The following ZNF385D variants were observed in gnomAD, a reference collection of about 807,000 sequenced individuals.
The protein encoded by ZNF385D is zinc finger protein 659.
Under a neutral mutation model 35.8 loss-of-function variants are expected in ZNF385D, and 15 were observed. The ratio of observed to expected loss-of-function variants is 0.42; its 90% CI spans 0.28 to 0.64. The LOEUF (loss-of-function observed/expected upper bound fraction) is 0.64, where lower values mean the gene tolerates loss of function less well. Ranked by LOEUF, ZNF385D falls within the 30% of genes least tolerant of loss-of-function variation. ZNF385D has a pLI of 0.23. For missense variants in ZNF385D, 474 were observed against 494.6 expected, an observed-to-expected ratio of 0.96 and a Z score of 0.39; for synonymous variants, 212 against 186.8, an observed-to-expected ratio of 1.13 and a Z score of -1.10.
chr3:21,795,570 G>A (rs1049407289), intron 3 of ZNF385D, among the ~76,000 whole-genome samples: 2 of 152,158 alleles, frequency 1.3e-5, no homozygotes, highest in Non-Finnish European at 2.9e-5. Context: ...CTTTCCCTTG[G>A]CTCCTGAAAC....
At chr3:22,148,312 A>G (rs1294337279) in intron 3 of ZNF385D, among the ~76,000 whole-genome samples, 1 of 152,196 alleles carries the variant, frequency 6.6e-6, no homozygotes, top group Non-Finnish European at 1.5e-5. Context: ...GACTTAAATA[A>G]GTTGTGTTAT....
At chr3:21,421,486 T>G (rs1211384986) in intron 7 of ZNF385D, 39 bp from the exon 8 acceptor site, 1 of 1,529,348 alleles carries the variant, frequency 6.5e-7, no homozygotes, top group Admixed American at 1.8e-5. Flanking sequence ...AAACAACAGT[T>G]TTGGAATTTG....
intron 3 of ZNF385D, among the ~76,000 whole-genome samples, chr3:21,769,182 G>T (rs1218936056): frequency 6.6e-6 from 1 of 152,012 alleles, no homozygotes; most frequent in Admixed American, 6.6e-5. Flanking sequence ...ACAAGACAGG[G>T]ATGCCCTCTC....
intron 4 of ZNF385D, among the ~76,000 whole-genome samples, chr3:21,508,969 C>CTTTTTTTTTT (rs200174782): frequency 8.4e-5 from 12 of 142,394 alleles, no homozygotes; most frequent in Non-Finnish European, 1.4e-4. Flanking sequence ...CACCTGGGGG[C>CTTTTTTTTTT]TTTTTTTTTT....
At chr3:21,620,105 G>A (rs561441005) in intron 2 of ZNF385D, among the ~76,000 whole-genome samples, 5 of 152,270 alleles carry the variant, frequency 3.3e-5, no homozygotes, top group Non-Finnish European at 5.9e-5. Flanking sequence ...TCAAGGGCCC[G>A]TCTACAAAAC....
intron 1 of ZNF385D, among the ~76,000 whole-genome samples, chr3:21,719,712 C>T (rs953569788): frequency 3.9e-5 from 6 of 152,156 alleles, no homozygotes; most frequent in Admixed American, 3.9e-4. Flanking sequence ...CAGTCCGATC[C>T]TTAGAAGCAG....
intron 2 of ZNF385D, chr3:21,579,931 G>A (rs1293832211): frequency 2.0e-5 from 3 of 151,732 alleles, no homozygotes; most frequent in Non-Finnish European, 4.4e-5. Flanking sequence ...ATTTTAACTT[G>A]AGTACCTCTG....
intron 2 of ZNF385D, among the ~76,000 whole-genome samples, chr3:21,664,544 C>T (rs1257335554): frequency 6.6e-6 from 1 of 152,112 alleles, no homozygotes; most frequent in African/African-American, 2.4e-5. Flanking sequence ...TTTTTAAATA[C>T]CTGCTGAAAT....
At chr3:22,101,549 C>A (rs1024846651) in intron 3 of ZNF385D, among the ~76,000 whole-genome samples, 6 of 152,088 alleles carry the variant, frequency 3.9e-5, no homozygotes, top group African/African-American at 1.4e-4. Flanking sequence ...TACACCCACA[C>A]TGAACCATTT....
Position 21,892,110 on chromosome 3 carries a change from C to T in ZNF385D, c.326-227082G>A, listed in dbSNP as rs189935447. 1.6e-4 allele frequency among the ~76,000 whole-genome samples: 25 copies of T among 152,208 alleles called. No individual in the cohort carries two copies. In the East Asian group the frequency reaches 2.5e-3, roughly 15 times the overall value. On this transcript the variant is annotated intron_variant, in intron 3 of 5. Coordinates refer to the ZNF385D transcript ENST00000494108. ...AAAAATTAACTCCCAATACTTGCTT[C>T]GTGGGATAGGAAGCATTCTGAATGA...
At chr3:22,234,347 G>A (rs893097395) in intron 2 of ZNF385D, among the ~76,000 whole-genome samples, 2 of 152,066 alleles carry the variant, frequency 1.3e-5, no homozygotes, top group Non-Finnish European at 2.9e-5. Flanking sequence ...GATCACCCTA[G>A]TGCTTTTTGA....
chr3:21,732,048 T>G (rs1425636365), intron 1 of ZNF385D, among the ~76,000 whole-genome samples: 2,058 of 59,734 alleles, frequency 0.034, 491 homozygotes, highest in Admixed American at 0.11. Context: ...TTTTTTTTTT[T>G]TTTTTTTTTT....
chr3:21,746,630 G>T (rs1483261829), intron 1 of ZNF385D, among the ~76,000 whole-genome samples: 1 of 152,176 alleles, frequency 6.6e-6, no homozygotes, highest in Admixed American at 6.5e-5. Context: ...AGACATAGAA[G>T]TTTCTTCCTG....
chr3:21,597,945 G>A (rs2064171514), intron 2 of ZNF385D, among the ~76,000 whole-genome samples: 1 of 152,122 alleles, frequency 6.6e-6, no homozygotes, highest in Admixed American at 6.5e-5. Flanking sequence ...CTTAATGGGT[G>A]TAGAAAAGCA....
intron 3 of ZNF385D, among the ~76,000 whole-genome samples, chr3:22,100,244 A>C (rs918703832): frequency 7.0e-6 from 1 of 143,662 alleles, no homozygotes; most frequent in Non-Finnish European, 1.5e-5. Context: ...GGGACTGTAA[A>C]CTAGTTCAAC....
intron 2 of ZNF385D, among the ~76,000 whole-genome samples, chr3:22,294,877 T>A (rs1333848672): frequency 6.6e-6 from 1 of 152,152 alleles, no homozygotes; most frequent in Non-Finnish European, 1.5e-5. Flanking sequence ...ATATCCTTTG[T>A]GTTTAAAAGG....
At chr3:22,252,184 A>C (rs1337087681) in intron 2 of ZNF385D, among the ~76,000 whole-genome samples, 1 of 152,082 alleles carries the variant, frequency 6.6e-6, no homozygotes, top group Non-Finnish European at 1.5e-5. Flanking sequence ...ATTTCAAAGA[A>C]TTGATTTAGC....
intron 2 of ZNF385D, among the ~76,000 whole-genome samples, chr3:22,221,568 C>T (rs1457630188): frequency 1.3e-5 from 2 of 152,112 alleles, no homozygotes; most frequent in African/African-American, 4.8e-5. Flanking sequence ...TTTCATTTCG[C>T]TTTATATCAT....
At chr3:22,117,010 G>A (rs1702846110) in intron 3 of ZNF385D, among the ~76,000 whole-genome samples, 1 of 151,972 alleles carries the variant, frequency 6.6e-6, no homozygotes, top group South Asian at 2.1e-4. Context: ...GCTTAGGAAA[G>A]TTAAATAAAT....
Sources: allele counts gnomAD v4.1 joint callset (sites outside exome capture counted in the v4.1 genomes callset), GRCh38; gene constraint gnomAD v4.1.1; transcripts MANE v1.5; gene names NCBI Gene and HGNC (gene_info 2026-07-23, HGNC 2026-07-21).